Variants in COL4A5 observed in about 807,000 individuals in gnomAD.
The protein encoded by COL4A5 is collagen type IV alpha 5 chain, also known as collagen alpha-5(IV) chain.
In COL4A5, 26 loss-of-function variants were observed where a neutral mutation model predicts 130.2. That is an observed-to-expected ratio of 0.20 (90% CI 0.15 to 0.28). COL4A5 has a LOEUF of 0.28. Ranked by LOEUF, COL4A5 falls within the 10% of genes least tolerant of loss-of-function variation. The pLI is 1.00. For missense variants in COL4A5, 1,131 were observed against 1,344.3 expected, an observed-to-expected ratio of 0.84 and a Z score of 2.48; for synonymous variants, 496 against 439.6, an observed-to-expected ratio of 1.13 and a Z score of -1.60.
At chrX:108,639,613 A>G (rs1038002282) in intron 36 of COL4A5, among the ~76,000 whole-genome samples, 2 of 112,018 alleles carry the variant, frequency 1.8e-5, no homozygotes, top group African/African-American at 3.2e-5. Flanking sequence ...GGGATGGAAG[A>G]AAATATTTGT....
At chrX:108,523,515 T>C (rs946051749) in intron 1 of COL4A5, among the ~76,000 whole-genome samples, 2 of 112,371 alleles carry the variant, frequency 1.8e-5, no homozygotes, top group African/African-American at 6.5e-5. Flanking sequence ...ATTTTGAAAT[T>C]GGAAAGTGTA....
intron 1 of COL4A5, among the ~76,000 whole-genome samples, chrX:108,526,830 C>A (rs756605416): frequency 7.2e-4 from 74 of 103,314 alleles, no homozygotes; most frequent in Non-Finnish European, 1.3e-3. Flanking sequence ...TGCAGTGGAA[C>A]AATCATGGCT....
chrX:108,549,796 A>G (rs1215121255), intron 2 of COL4A5, among the ~76,000 whole-genome samples: 1 of 111,515 alleles, frequency 9.0e-6, no homozygotes, highest in Non-Finnish European at 1.9e-5. Context: ...TGATAGCACA[A>G]AAGATGATAA....
At chrX:108,617,053 T>C (rs2066942046) in intron 30 of COL4A5, among the ~76,000 whole-genome samples, 2 of 110,923 alleles carry the variant, frequency 1.8e-5, no homozygotes, top group South Asian at 3.7e-4. Flanking sequence ...TGAAAATTTA[T>C]TGAATTCACT....
At chrX:108,493,912 A>C (rs948014323) in intron 1 of COL4A5, among the ~76,000 whole-genome samples, 1 of 111,089 alleles carries the variant, frequency 9.0e-6, no homozygotes, top group African/African-American at 3.3e-5. Context: ...TTTGCTCGGA[A>C]AGGGTCAAAG....
intron 3 of COL4A5, 32 bp from the exon 4 acceptor site, chrX:108,563,850 G>T: frequency 8.4e-7 from 1 of 1,186,621 alleles, no homozygotes; most frequent in Non-Finnish European, 1.1e-6. Context: ...CTTTTTTGAC[G>T]GACAAAAACC....
chrX:108,452,541 A>G (rs36173048), intron 1 of COL4A5, among the ~76,000 whole-genome samples: 1 of 111,729 alleles, frequency 9.0e-6, no homozygotes, highest in Non-Finnish European at 1.9e-5. Flanking sequence ...GGTCCTTCAC[A>G]TCCCTTGTAA....
At chrX:108,524,823 T>G (rs2065297771) in intron 1 of COL4A5, among the ~76,000 whole-genome samples, 1 of 112,235 alleles carries the variant, frequency 8.9e-6, no homozygotes, top group African/African-American at 3.2e-5. Context: ...GTTATTGATT[T>G]CTAATTTTAT....
chrX:108,665,391 G>T lies in COL4A5; in HGVS notation c.3374-116G>T, dbSNP rs1340418740. On this transcript the variant is annotated intron_variant, in intron 37 of 52. Transcript: ENST00000328300. ...AGCCAACAAACACCAGCATCTTTTG[G>T]GTTTCTTTTTGTTCTTCACTGTTTC... is the stretch of plus-strand genomic sequence containing the variant. 1.2e-5 allele frequency: 6 copies of T among 499,212 alleles called. No individual in the cohort carries two copies. The African/African-American group carries it at 1.5e-4, about 12-fold the overall frequency. The allele number at this position is 499,212 out of a possible 1,213,427, so 41.1% of individuals were successfully genotyped here.
intron 1 of COL4A5, among the ~76,000 whole-genome samples, chrX:108,507,249 A>AC (rs1569479010): frequency 1.9e-4 from 20 of 103,212 alleles, no homozygotes; most frequent in African/African-American, 7.0e-4. Flanking sequence ...AACAACAACA[A>AC]AAAAAAAAAA....
chrX:108,695,689 AG>A, intron 52 of COL4A5: 1 of 363,590 alleles, frequency 2.8e-6, no homozygotes, highest in Non-Finnish European at 4.9e-6. Context: ...AGATAAAGAA[AG>A]GTTATGTGAC....
At chrX:108,674,777 C>CTTTTTTTTTT in intron 43 of COL4A5, 24 bp downstream of exon 43, 1 of 981,734 alleles carries the variant, frequency 1.0e-6, no homozygotes, top group Non-Finnish European at 1.3e-6. Flanking sequence ...CTGGTCAATT[C>CTTTTTTTTTT]TTTTTTTTTT....
chrX:108,601,272 A>G (rs1475975208), intron 25 of COL4A5, 121 bp from the exon 26 acceptor site: 1 of 502,781 alleles, frequency 2.0e-6, no homozygotes, highest in South Asian at 2.8e-5. Flanking sequence ...TTTCTTGTGA[A>G]TTTTTGTTAG....
intron 1 of COL4A5, among the ~76,000 whole-genome samples, chrX:108,512,848 G>A (rs906856024): frequency 3.8e-4 from 42 of 111,253 alleles, no homozygotes; most frequent in African/African-American, 1.2e-3. Flanking sequence ...GAGAGCAACC[G>A]GTCTGACCAA....
intron 4 of COL4A5, among the ~76,000 whole-genome samples, chrX:108,564,841 T>A (rs2065944951): frequency 8.9e-6 from 1 of 111,762 alleles, no homozygotes; most frequent in Non-Finnish European, 1.9e-5. Context: ...TTACAAACAT[T>A]AAAAACATTC....
intron 1 of COL4A5, among the ~76,000 whole-genome samples, chrX:108,448,113 G>C (rs1442001894): frequency 8.9e-6 from 1 of 112,286 alleles, no homozygotes; most frequent in Non-Finnish European, 1.9e-5. Flanking sequence ...GATGGTACTT[G>C]CTACCCTGTT....
chrX:108,662,524 A>T (rs1327242635), intron 37 of COL4A5, among the ~76,000 whole-genome samples: 2 of 111,713 alleles, frequency 1.8e-5, no homozygotes, highest in Non-Finnish European at 3.8e-5. Flanking sequence ...GTCTCAGGAT[A>T]CAAAATCAGT....
At chrX:108,620,128 T>C (rs1382623243) in intron 30 of COL4A5, 131 bp from the exon 31 acceptor site, 1 of 550,000 alleles carries the variant, frequency 1.8e-6, no homozygotes, top group Non-Finnish European at 3.1e-6. Context: ...GTGCATGATG[T>C]CAAAAGTATC....
chrX:108,694,604 TGAAAAAAG>T, intron 50 of COL4A5, 195 bp from the exon 51 acceptor site: 1 of 439,831 alleles, frequency 2.3e-6, no homozygotes, highest in Non-Finnish European at 4.0e-6. Flanking sequence ...TGCAGTTTTT[TGAAAAAAG>T]TTTACAGTTT....
Sources: allele counts gnomAD v4.1 joint callset (sites outside exome capture counted in the v4.1 genomes callset), GRCh38; gene constraint gnomAD v4.1.1; transcripts MANE v1.5; gene names NCBI Gene and HGNC (gene_info 2026-07-23, HGNC 2026-07-21).